The following OR2AG1 variants were observed in gnomAD, a reference collection of about 807,000 sequenced individuals.
The protein encoded by OR2AG1 is olfactory receptor 2AG1.
For missense variants in OR2AG1, 391 were observed against 385.9 expected (o/e 1.01, Z -0.11); for synonymous variants, 157 against 155.6 (o/e 1.01, Z -0.07).
chr11:6,790,462 G>C lies in OR2AG1; in HGVS notation c.*4474G>C, dbSNP rs1008619495. ...GATTGATATGTTGCTCTGTTAATTA[G>C]CTTGCATGTGGTCATCATTTCACAG... On this transcript the variant is annotated 3_prime_UTR_variant, in exon 2 of 2. Coordinates refer to ENST00000641258, the MANE Select transcript of OR2AG1 (RefSeq NM_001004489.3). 2.0e-5 allele frequency: 3 copies of C among 152,104 alleles called. No individual in the cohort carries two copies. Among genetic ancestry groups the C allele is most frequent in the Non-Finnish European group, 4.4e-5 (3 of 68,030 alleles). The allele number at this position is 152,104 out of a possible 1,614,324, so 9.4% of individuals were successfully genotyped here. A position where few individuals can be genotyped will look rare whatever the true frequency, so the allele number is the denominator to read the frequency against.
rs1192416136 is a variant in OR2AG1 at position 6,791,000 on chromosome 11, G to C, written c.*5012G>C. On this transcript the variant is annotated 3_prime_UTR_variant, in exon 2 of 2. Transcript: ENST00000641258. The stretch of plus-strand genomic sequence containing the variant: ...GTCTCTGCTGCTAATTGTGCCAAAA[G>C]TAACCATAAAATCTGGAGTCAACTG... 1.3e-5 allele frequency: 2 copies of C among 152,180 alleles called. No homozygotes were observed. The highest frequency in any genetic ancestry group is 2.9e-5 in the Non-Finnish European group (2 of 68,038). The allele number at this position is 152,180 out of a possible 1,614,324, so 9.4% of individuals were successfully genotyped here. A position where few individuals can be genotyped will look rare whatever the true frequency, so the allele number is the denominator to read the frequency against.
chr11:6,784,876 A>C, intron 1 of OR2AG1, 142 bp from the exon 2 acceptor site: 1 of 547,496 alleles, frequency 1.8e-6, no homozygotes, highest in Non-Finnish European at 3.2e-6. Context: ...GTGAGAAGTC[A>C]GACATTCAGA....
rs1341819803 is a variant in OR2AG1, at chr11:6,785,345, T to C, written c.308T>C (p.Leu103Pro). Reference protein sequence around the residue: ...SFGGCALQMFLALTMGGAEDL... With the variant: ...SFGGCALQMFPALTMGGAEDL... ...GGAGGCTGTGCCCTTCAGATGTTCC[T>C]GGCACTGACAATGGGTGGTGCTGAG... The change falls in exon 2 of 2, where the codon CTG becomes CCG. Residue 103 changes from leucine to proline, a missense_variant. Leu to Pro is a moderately conservative substitution (Grantham distance 98, BLOSUM62 -3). Coordinates refer to ENST00000641258, the MANE Select transcript of OR2AG1 (RefSeq NM_001004489.3). 3.1e-6 allele frequency: 5 copies of C among 1,614,096 alleles called. No individual in the cohort carries two copies. The Admixed American group carries it at 6.7e-5, about 22-fold the overall frequency.
In OR2AG1 at chr11:6,785,616, C is replaced by CAGATATG; in HGVS notation, c.582_588dup (p.Leu197IlefsTer2). 3 of 1,614,026 alleles carry CAGATATG rather than the reference C, an allele frequency of 1.9e-6. No homozygotes were observed. Among genetic ancestry groups the CAGATATG allele is most frequent in the Non-Finnish European group, 2.5e-6 (3 of 1,179,890 alleles). On this transcript the variant is annotated frameshift_variant, in exon 2 of 2. Transcript: ENST00000641258. LOFTEE classifies it low-confidence loss of function (END_TRUNC). ...TGAAGGTGGCCTGTGCTGATACCTC[C>CAGATATG]AGATATGAGCTCATGGTATATGTGA... is the stretch of plus-strand genomic sequence containing the variant.
chr11:6,791,306 G>A lies in OR2AG1; in HGVS notation c.*5318G>A, dbSNP rs1589997658. The A allele has an allele frequency of 6.6e-6, 1 of 152,264 alleles. No individual in the cohort carries two copies. The highest frequency in any genetic ancestry group is 3.4e-3 in the Middle Eastern group (1 of 294). The allele number at this position is 152,264 out of a possible 1,614,324, so 9.4% of individuals were successfully genotyped here. A position where few individuals can be genotyped will look rare whatever the true frequency, so the allele number is the denominator to read the frequency against. On this transcript the variant is annotated 3_prime_UTR_variant, in exon 2 of 2. Transcript: ENST00000641258. ...GGCGGGGGCCATTGGTTTTCATGAA[G>A]TGTGACTATGAAACATGAAAATCAC...
rs1480069932 is a variant in OR2AG1, at chr11:6,788,170, TA to T, written c.*2183del. On this transcript the variant is annotated 3_prime_UTR_variant, in exon 2 of 2. Coordinates refer to ENST00000641258, the MANE Select transcript of OR2AG1 (RefSeq NM_001004489.3). Reference sequence around the variant, plus strand: ...TATTTGTATAGTGAAGGATATCTTTTATTTTTTTTTCCAGTGATTTTTACTG... The same window carrying T: ...TATTTGTATAGTGAAGGATATCTTTTTTTTTTTTTCCAGTGATTTTTACTG... 1.3e-5 allele frequency: 2 copies of T among 152,010 alleles called. No homozygotes were observed. The highest frequency in any genetic ancestry group is 2.9e-5 in the Non-Finnish European group (2 of 68,004). 9.4% of individuals were successfully genotyped at this position (152,010 alleles called of 1,614,324 possible).
rs1380327386 is a variant in OR2AG1, at chr11:6,789,307, C to T, written c.*3319C>T. 6.6e-6 allele frequency: 1 copy of T among 152,176 alleles called. No homozygotes were observed. The highest frequency in any genetic ancestry group is 2.4e-5 in the African/African-American group (1 of 41,442). The allele number at this position is 152,176 out of a possible 1,614,324, so 9.4% of individuals were successfully genotyped here. On this transcript the variant is annotated 3_prime_UTR_variant, in exon 2 of 2. Transcript: ENST00000641258. ...CTGGCTTGCTTCTTTAATCCCTAAC[C>T]TTTTTTGCCTTATTGGATTCGTTTT...
In OR2AG1 at chr11:6,788,735, A is replaced by G. The variant is rs1345930738; in HGVS notation, c.*2747A>G. On this transcript the variant is annotated 3_prime_UTR_variant, in exon 2 of 2. Coordinates refer to ENST00000641258, the MANE Select transcript of OR2AG1 (RefSeq NM_001004489.3). ...ATGCCTTGCCTCACACTTCACTAGA[A>G]CAGAAGCAGTTGGCTACAAAGCCCT... 1.3e-5 allele frequency: 2 copies of G among 152,048 alleles called. No individual in the cohort carries two copies. Among genetic ancestry groups the G allele is most frequent in the Non-Finnish European group, 2.9e-5 (2 of 68,026 alleles). The allele number at this position is 152,048 out of a possible 1,614,324, so 9.4% of individuals were successfully genotyped here.
At position 6,785,360 on chromosome 11, in the gene OR2AG1, G is replaced by A. The variant is rs758422292; in HGVS notation, c.323G>A (p.Gly108Asp). 1.9e-6 allele frequency: 3 copies of A among 1,614,160 alleles called. No homozygotes were observed. In the South Asian group the frequency reaches 3.3e-5, roughly 18 times the overall value. Reference sequence around the variant, plus strand: ...CAGATGTTCCTGGCACTGACAATGGGTGGTGCTGAGGACCTCCTACTGGCC... The same window carrying A: ...CAGATGTTCCTGGCACTGACAATGGATGGTGCTGAGGACCTCCTACTGGCC... ...ALQMFLALTMGGAEDLLLAFM... is the reference protein window; with the variant it reads ...ALQMFLALTMDGAEDLLLAFM... The change falls in exon 2 of 2, where the codon GGT becomes GAT. Residue 108 changes from glycine (G) to aspartate (D), a missense_variant. By Grantham distance (94) the Gly-to-Asp change is moderately conservative (BLOSUM62 -1). Coordinates refer to ENST00000641258, the MANE Select transcript of OR2AG1 (RefSeq NM_001004489.3).
rs1305315170 is a variant in OR2AG1, at chr11:6,788,328, T to C, written c.*2340T>C. The C allele has an allele frequency of 6.6e-6, 1 of 152,180 alleles. No homozygotes were observed. The highest frequency in any genetic ancestry group is 1.5e-5 in the Non-Finnish European group (1 of 68,020). 9.4% of individuals were successfully genotyped at this position (152,180 alleles called of 1,614,324 possible). ...ACTTTAACAATAAATGTCAAACTTA[T>C]CTTTACATGTGAAAATGATGATATT... On this transcript the variant is annotated 3_prime_UTR_variant, in exon 2 of 2. Coordinates refer to ENST00000641258, the MANE Select transcript of OR2AG1 (RefSeq NM_001004489.3).
In OR2AG1 at chr11:6,786,174, A is replaced by G. The variant is rs1044724544; in HGVS notation, c.*186A>G. ...CTCTCCATGAAGTAATTTATAGGGC[A>G]TGATTTACACTATCTAAAATTACTC... On this transcript the variant is annotated 3_prime_UTR_variant, in exon 2 of 2. Transcript: ENST00000641258. 6 of 555,170 alleles carry G rather than the reference A, an allele frequency of 1.1e-5. No homozygotes were observed. The highest frequency in any genetic ancestry group is 9.6e-5 in the African/African-American group (5 of 52,198). 34.4% of individuals were successfully genotyped at this position (555,170 alleles called of 1,614,324 possible).
Position 6,789,972 on chromosome 11 carries a change from A to G in OR2AG1, c.*3984A>G, listed in dbSNP as rs890524522. 6.6e-6 allele frequency: 1 copy of G among 152,250 alleles called. No individual in the cohort carries two copies. The highest frequency in any genetic ancestry group is 1.5e-5 in the Non-Finnish European group (1 of 68,038). 9.4% of individuals were successfully genotyped at this position (152,250 alleles called of 1,614,324 possible). On this transcript the variant is annotated 3_prime_UTR_variant, in exon 2 of 2. Coordinates refer to ENST00000641258, the MANE Select transcript of OR2AG1 (RefSeq NM_001004489.3). The stretch of plus-strand genomic sequence containing the variant: ...CCATGTTTATTGCAGCATGATTCAC[A>G]ATAGACAAAATATTGGAAACAACCT...
chr11:6,784,641 T>C (rs189518727), intron 1 of OR2AG1, among the ~76,000 whole-genome samples: 1 of 152,338 alleles, frequency 6.6e-6, no homozygotes. Context: ...GAATTTCATA[T>C]CAAAACAAGT....
In OR2AG1 at chr11:6,785,691, T is replaced by C. The variant is rs1163736764; in HGVS notation, c.654T>C (p.Tyr218=). Residue 218 remains tyrosine, a synonymous_variant, in exon 2 of 2, where the codon TAT becomes TAC. Transcript: ENST00000641258. ...IPSLAAILAS[Y]TQILLTVLHM... ...CTCTTGCTGCTATACTGGCCTCCTA[T>C]ACACAAATTCTACTCACTGTGCTCC... is the stretch of plus-strand genomic sequence containing the variant. 3 of 1,614,020 alleles carry C rather than the reference T, an allele frequency of 1.9e-6. No individual in the cohort carries two copies. The highest frequency in any genetic ancestry group is 2.5e-6 in the Non-Finnish European group (3 of 1,180,010).
intron 1 of OR2AG1, among the ~76,000 whole-genome samples, chr11:6,784,374 CTAAAG>C (rs774349998): frequency 6.6e-6 from 1 of 152,144 alleles, no homozygotes; most frequent in Non-Finnish European, 1.5e-5. Flanking sequence ...TGTATTGACC[CTAAAG>C]TATTTAGCTC....
Position 6,788,748 on chromosome 11 carries a change from G to A in OR2AG1, c.*2760G>A, listed in dbSNP as rs1847652590. On this transcript the variant is annotated 3_prime_UTR_variant, in exon 2 of 2. Coordinates refer to ENST00000641258, the MANE Select transcript of OR2AG1 (RefSeq NM_001004489.3). Reference sequence around the variant, plus strand: ...CACTTCACTAGAACAGAAGCAGTTGGCTACAAAGCCCTCTTCAAATCCTCC... The same window carrying A: ...CACTTCACTAGAACAGAAGCAGTTGACTACAAAGCCCTCTTCAAATCCTCC... 1 of 151,862 alleles carries A rather than the reference G, an allele frequency of 6.6e-6. No individual in the cohort carries two copies. The highest frequency in any genetic ancestry group is 6.6e-5 in the Admixed American group (1 of 15,230). 9.4% of individuals were successfully genotyped at this position (151,862 alleles called of 1,614,324 possible). A position where few individuals can be genotyped will look rare whatever the true frequency, so the allele number is the denominator to read the frequency against.
In OR2AG1 at chr11:6,785,535, T is replaced by A; in HGVS notation, c.498T>A (p.Tyr166Ter). The change falls in exon 2 of 2, where the codon TAT becomes TAA. Residue 166 changes from tyrosine (Y) to a stop codon, truncating the protein, a stop_gained. Coordinates refer to ENST00000641258, the MANE Select transcript of OR2AG1 (RefSeq NM_001004489.3). LOFTEE classifies it low-confidence loss of function (END_TRUNC). The stretch of plus-strand genomic sequence containing the variant: ...TATATACCGTGTATACCATGCACTA[T>A]CCCTTCTGCAGGGCCCAGGAGATCA... ...ALIYTVYTMH[Y>*]PFCRAQEIRH... 1 of 1,614,142 alleles carries A rather than the reference T, an allele frequency of 6.2e-7. No individual in the cohort carries two copies. The highest frequency in any genetic ancestry group is 8.5e-7 in the Non-Finnish European group (1 of 1,180,026).
Position 6,785,808 on chromosome 11 carries a change from C to T in OR2AG1, c.771C>T (p.Phe257=). The part of the protein sequence containing the change: ...VVGMFYGAAT[F]MYVLPSSFHS... ...GGATGTTCTATGGAGCTGCCACATT[C>T]ATGTATGTCTTGCCCAGTTCCTTCC... The change falls in exon 2 of 2, where the codon TTC becomes TTT. Residue 257 remains phenylalanine, a synonymous_variant. Transcript: ENST00000641258. 6.2e-7 allele frequency: 1 copy of T among 1,614,130 alleles called. No homozygotes were observed. Among genetic ancestry groups the T allele is most frequent in the Non-Finnish European group, 8.5e-7 (1 of 1,179,998 alleles).
Position 6,783,121 on chromosome 11 carries a change from C to T in OR2AG1, c.-371C>T, listed in dbSNP as rs913859008. The T allele has an allele frequency of 6.6e-6, 1 of 152,226 alleles. No individual in the cohort carries two copies. The highest frequency in any genetic ancestry group is 2.4e-5 in the African/African-American group (1 of 41,444). 9.4% of individuals were successfully genotyped at this position (152,226 alleles called of 1,614,324 possible). On this transcript the variant is annotated 5_prime_UTR_variant, in exon 1 of 2. Coordinates refer to ENST00000641258, the MANE Select transcript of OR2AG1 (RefSeq NM_001004489.3). The stretch of plus-strand genomic sequence containing the variant: ...CTCTAGGGCTAGAGGGGCTCTCTCC[C>T]TGGCAACCTGTATGAAAGTAGTTGC...
Sources: allele counts gnomAD v4.1 joint callset (sites outside exome capture counted in the v4.1 genomes callset), GRCh38; gene constraint gnomAD v4.1.1; transcripts MANE v1.5; gene names NCBI Gene and HGNC (gene_info 2026-07-23, HGNC 2026-07-21).